The following IQGAP2 variants were observed in gnomAD, a reference collection of about 807,000 sequenced individuals.
IQGAP2 encodes IQ motif containing GTPase activating protein 2.
Under a neutral mutation model 201.3 loss-of-function variants are expected in IQGAP2, and 173 were observed. The ratio of observed to expected loss-of-function variants is 0.86; its 90% CI spans 0.76 to 0.98. The LOEUF (loss-of-function observed/expected upper bound fraction) is 0.98. Ranked by LOEUF, IQGAP2 falls within the 50% of genes least tolerant of loss-of-function variation. The probability of loss-of-function intolerance (pLI) is 0.00; values close to 1 mark genes in which losing one functional copy is unlikely to be tolerated. For synonymous variants in IQGAP2, 675 were observed against 673.9 expected (o/e 1.00, Z -0.03); for missense variants, 1,687 against 1,864.8 (o/e 0.90, Z 1.76).
At position 76,631,943 on chromosome 5, in the gene IQGAP2, C is replaced by A; in HGVS notation, c.1697C>A (p.Ser566Tyr). 5.6e-6 allele frequency: 9 copies of A among 1,612,666 alleles called. No individual in the cohort carries two copies. Among genetic ancestry groups the A allele is most frequent in the Non-Finnish European group, 7.6e-6 (9 of 1,179,086 alleles). ...TTGTCTGTATTGAAGTCTTCCACTTCTAATGCAAATGACATAATCCCGGAG... is the reference window on the plus strand; with the variant it reads ...TTGTCTGTATTGAAGTCTTCCACTTATAATGCAAATGACATAATCCCGGAG... ...DILSVLKSST[S>Y]NANDIIPECA... The change falls in exon 15 of 36, where the codon TCT (serine) becomes TAT (tyrosine). Residue 566 changes from serine (S) to tyrosine (Y), a missense_variant. By Grantham distance (144) the Ser-to-Tyr change is moderately radical. Coordinates refer to ENST00000274364, the MANE Select transcript of IQGAP2 (RefSeq NM_006633.5).
At chr5:76,654,603 GC>G (rs1313769454) in intron 19 of IQGAP2, among the ~76,000 whole-genome samples, 1 of 152,186 alleles carries the variant, frequency 6.6e-6, no homozygotes, top group East Asian at 1.9e-4. Context: ...TTAAATAGAA[GC>G]CCCTGGGAGG....
At chr5:76,463,467 G>C (rs926112153) in intron 2 of IQGAP2, among the ~76,000 whole-genome samples, 1 of 152,152 alleles carries the variant, frequency 6.6e-6, no homozygotes, top group African/African-American at 2.4e-5. Context: ...CTTATTCATG[G>C]ATTCAAGGAT....
chr5:76,404,483 G>A, intron 1 of IQGAP2: 1 of 985,548 alleles, frequency 1.0e-6, no homozygotes, highest in Non-Finnish European at 1.2e-6. Context: ...TGAACCCAAG[G>A]CCGAAGACCA....
chr5:76,529,742 A>G (rs4704323), intron 2 of IQGAP2, among the ~76,000 whole-genome samples: 73,071 of 151,196 alleles, frequency 0.48, 19,012 homozygotes, highest in East Asian at 0.92. Context: ...AAATTGGAAG[A>G]GATTAATTCC....
intron 2 of IQGAP2, among the ~76,000 whole-genome samples, chr5:76,487,629 A>G (rs535213181): frequency 6.6e-6 from 1 of 152,302 alleles, no homozygotes; most frequent in African/African-American, 2.4e-5. Context: ...CCACCCCTCC[A>G]GGCAGATCTG....
chr5:76,618,520 T>C, intron 13 of IQGAP2: 1 of 1,614,184 alleles, frequency 6.2e-7, no homozygotes, highest in South Asian at 1.1e-5. Context: ...ACAGTAATCG[T>C]GGCTCCTGTC....
At chr5:76,420,651 A>G (rs945813596) in intron 1 of IQGAP2, among the ~76,000 whole-genome samples, 2 of 152,242 alleles carry the variant, frequency 1.3e-5, no homozygotes, top group African/African-American at 4.8e-5. Flanking sequence ...CTGGGATTAC[A>G]GGCGTGAGCC....
intron 4 of IQGAP2, among the ~76,000 whole-genome samples, chr5:76,573,183 A>T (rs1237504040): frequency 1.3e-5 from 2 of 152,232 alleles, no homozygotes; most frequent in African/African-American, 4.8e-5. Flanking sequence ...AAATTCAGAT[A>T]ATTTCATTGG....
At chr5:76,503,590 A>T (rs1400803131) in intron 2 of IQGAP2, among the ~76,000 whole-genome samples, 29 of 149,666 alleles carry the variant, frequency 1.9e-4, no homozygotes, top group African/African-American at 7.2e-4. Context: ...TTTTTTTTTA[A>T]AAATTTTATT....
chr5:76,416,869 C>T (rs2150076407), intron 1 of IQGAP2, among the ~76,000 whole-genome samples: 1 of 152,252 alleles, frequency 6.6e-6, no homozygotes, highest in East Asian at 1.9e-4. Context: ...TACTCTATCA[C>T]CCAGGCTGGA....
At chr5:76,618,702 T>C in intron 13 of IQGAP2, 1 of 1,326,434 alleles carries the variant, frequency 7.5e-7, no homozygotes. Flanking sequence ...AAAGTGTGTT[T>C]AATTATTTGT....
intron 2 of IQGAP2, among the ~76,000 whole-genome samples, chr5:76,546,554 T>C (rs948078139): frequency 6.6e-6 from 1 of 152,232 alleles, no homozygotes; most frequent in African/African-American, 2.4e-5. Context: ...ACTCCTGTTA[T>C]GTCGTCAGAA....
At chr5:76,610,070 CTCTCTCTATATATATATATATATATATA>C (rs1274896647) in intron 12 of IQGAP2, among the ~76,000 whole-genome samples, 1 of 4,560 alleles carries the variant, frequency 2.2e-4, no homozygotes, top group Non-Finnish European at 6.1e-4. Context: ...CTCTCTCTCT[CTCTCTCTATATATATATATATATATATA>C]TATATATATA....
intron 1 of IQGAP2, among the ~76,000 whole-genome samples, chr5:76,438,031 G>GTTTTTTTT (rs1561371555): frequency 5.5e-5 from 3 of 54,638 alleles, no homozygotes; most frequent in Non-Finnish European, 1.1e-4. Flanking sequence ...TTTTTTTTTT[G>GTTTTTTTT]TTTGTTTTTT....
At chr5:76,494,473 C>T (rs1756755555) in intron 2 of IQGAP2, among the ~76,000 whole-genome samples, 1 of 152,128 alleles carries the variant, frequency 6.6e-6, no homozygotes, top group African/African-American at 2.4e-5. Context: ...AGTTCTCCAT[C>T]ATTATTATCT....
At chr5:76,620,609 G>A (rs2069664) in intron 13 of IQGAP2, among the ~76,000 whole-genome samples, 54,415 of 151,998 alleles carry the variant, frequency 0.36, 10,861 homozygotes, top group Non-Finnish European at 0.47. Context: ...AAAATTCCAG[G>A]AGCCCAAATT....
At chr5:76,673,691 T>G in intron 25 of IQGAP2, 102 bp downstream of exon 25, 1 of 1,210,672 alleles carries the variant, frequency 8.3e-7, no homozygotes, top group South Asian at 1.4e-5. Context: ...TTCCCTTATA[T>G]TGTGTTTACT....
At position 76,660,489 on chromosome 5, in the gene IQGAP2, C is replaced by T. The variant is rs528066788; in HGVS notation, c.2529+1822C>T. On this transcript the variant is annotated intron_variant, in intron 21 of 35. Coordinates refer to ENST00000274364, the MANE Select transcript of IQGAP2 (RefSeq NM_006633.5). ...TTTATAGCCTTAAACTGCTGTTTCA[C>T]GCTATCCCCATAAAATCATAAACAG... Among the ~76,000 whole-genome samples the T allele has an allele frequency of 3.9e-5, 6 of 152,286 alleles. No homozygotes were observed. In the East Asian group the frequency reaches 7.7e-4, roughly 20 times the overall value.
intron 1 of IQGAP2, among the ~76,000 whole-genome samples, chr5:76,421,000 T>C (rs1366086199): frequency 1.3e-5 from 2 of 152,236 alleles, no homozygotes; most frequent in East Asian, 3.8e-4. Flanking sequence ...TATTTCCACC[T>C]TTTGGCTATT....
Sources: allele counts gnomAD v4.1 joint callset (sites outside exome capture counted in the v4.1 genomes callset), GRCh38; gene constraint gnomAD v4.1.1; transcripts MANE v1.5; gene names NCBI Gene and HGNC (gene_info 2026-07-23, HGNC 2026-07-21).